CAMK1D: variants seen among roughly 807,000 people sequenced by gnomAD.
CAMK1D encodes the protein calcium/calmodulin dependent protein kinase ID.
A neutral mutation model predicts 47.7 loss-of-function variants in CAMK1D; 9 were observed. The ratio of observed to expected loss-of-function variants is 0.19; its 90% CI spans 0.11 to 0.33. The LOEUF is 0.33. CAMK1D is among the 10% of genes least tolerant of loss of function. The probability of loss-of-function intolerance (pLI) is 1.00; values close to 1 mark genes in which losing one functional copy is unlikely to be tolerated. For missense variants in CAMK1D, 291 were observed against 488.7 expected (o/e 0.60, Z 3.81); for synonymous variants, 184 against 184.9 (o/e 0.99, Z 0.04).
At chr10:12,533,091 G>A (rs550573390) in intron 1 of CAMK1D, among the ~76,000 whole-genome samples, 86 of 152,260 alleles carry the variant, frequency 5.6e-4, no homozygotes, top group African/African-American at 2.0e-3. Context: ...TGCATTGTTT[G>A]TAACACAAAG....
intron 2 of CAMK1D, among the ~76,000 whole-genome samples, chr10:12,595,465 C>T (rs527858458): frequency 1.3e-5 from 2 of 151,252 alleles, no homozygotes; most frequent in Admixed American, 1.3e-4. Context: ...GTGGAATACA[C>T]CTTCCCCCGA....
At chr10:12,473,534 T>A (rs1041775000) in intron 1 of CAMK1D, among the ~76,000 whole-genome samples, 1 of 152,170 alleles carries the variant, frequency 6.6e-6, no homozygotes, top group Non-Finnish European at 1.5e-5. Flanking sequence ...ACTCAATCCT[T>A]ATAACAACTG....
intron 2 of CAMK1D, among the ~76,000 whole-genome samples, chr10:12,599,326 C>T (rs1838236199): frequency 6.6e-6 from 1 of 152,098 alleles, no homozygotes; most frequent in African/African-American, 2.4e-5. Flanking sequence ...AGGCGGGATG[C>T]AGCTGCGTTG....
intron 1 of CAMK1D, among the ~76,000 whole-genome samples, chr10:12,532,544 G>T (rs1348035538): frequency 6.6e-6 from 1 of 151,246 alleles, no homozygotes; most frequent in Admixed American, 6.6e-5. Flanking sequence ...CTCCCAAAGT[G>T]CTGGGATTAC....
intron 3 of CAMK1D, among the ~76,000 whole-genome samples, chr10:12,701,567 A>C (rs985847125): frequency 6.6e-6 from 1 of 152,144 alleles, no homozygotes; most frequent in African/African-American, 2.4e-5. Flanking sequence ...TGTTTAAGGC[A>C]GTGTGGCTTC....
intron 3 of CAMK1D, among the ~76,000 whole-genome samples, chr10:12,690,838 GT>G (rs933941122): frequency 1.3e-5 from 2 of 152,094 alleles, no homozygotes; most frequent in African/African-American, 4.8e-5. Flanking sequence ...TTTTGACGAT[GT>G]TTTTTAGTAG....
chr10:12,698,704 C>T (rs1341894623), intron 3 of CAMK1D, among the ~76,000 whole-genome samples: 3 of 94,084 alleles, frequency 3.2e-5, no homozygotes, highest in Non-Finnish European at 6.1e-5. Context: ...GACGGAGTGT[C>T]GCTCTGTCAC....
At chr10:12,804,022 G>T (rs1292548485) in intron 6 of CAMK1D, among the ~76,000 whole-genome samples, 2 of 152,292 alleles carry the variant, frequency 1.3e-5, no homozygotes, top group Non-Finnish European at 1.5e-5. Context: ...CGTTGTTGGG[G>T]CCCTGGATGG....
At chr10:12,812,889 G>A (rs991965507) in intron 6 of CAMK1D, among the ~76,000 whole-genome samples, 1 of 152,122 alleles carries the variant, frequency 6.6e-6, no homozygotes, top group African/African-American at 2.4e-5. Context: ...CTTAAAGCTG[G>A]AAAAAATATT....
chr10:12,615,791 G>A (rs540524481), intron 2 of CAMK1D, among the ~76,000 whole-genome samples: 30 of 151,406 alleles, frequency 2.0e-4, no homozygotes, highest in African/African-American at 7.0e-4. Context: ...TGTGTAGTGT[G>A]TAGGTATGTG....
chr10:12,796,514 A>G (rs1161069525), intron 6 of CAMK1D, among the ~76,000 whole-genome samples: 1 of 152,220 alleles, frequency 6.6e-6, no homozygotes, highest in Non-Finnish European at 1.5e-5. Context: ...TCGCCAAGGC[A>G]GTTCCCATCC....
chr10:12,760,090 G>A lies in CAMK1D; in HGVS notation c.300-858G>A, dbSNP rs12264554. 3.7e-3 allele frequency among the ~76,000 whole-genome samples: 570 copies of A among 152,222 alleles called. 8 individuals carry two copies. The highest frequency in any genetic ancestry group is 0.013 in the African/African-American group (525 of 41,534). ...ATTTGAGATGATTTGGAGAACACTA[G>A]TTGAGTTGTTTGTATTCTGGCTTGT... On this transcript the variant is annotated intron_variant, in intron 3 of 10. Coordinates refer to ENST00000619168, the MANE Select transcript of CAMK1D (RefSeq NM_153498.4).
chr10:12,731,895 A>C (rs956939809), intron 3 of CAMK1D, among the ~76,000 whole-genome samples: 1 of 152,144 alleles, frequency 6.6e-6, no homozygotes, highest in African/African-American at 2.4e-5. Context: ...GGGCATGACC[A>C]CAAACCCGAA....
chr10:12,719,048 A>G (rs1429483892), intron 3 of CAMK1D, among the ~76,000 whole-genome samples: 2 of 152,204 alleles, frequency 1.3e-5, no homozygotes, highest in African/African-American at 4.8e-5. Context: ...TCAAAAAGAA[A>G]TAGAGACAAG....
At chr10:12,457,206 C>A (rs1436356823) in intron 1 of CAMK1D, among the ~76,000 whole-genome samples, 1 of 152,078 alleles carries the variant, frequency 6.6e-6, no homozygotes, top group African/African-American at 2.4e-5. Context: ...GCCTGACCAA[C>A]ATGGTGAAAG....
chr10:12,669,989 G>T (rs78664904), intron 3 of CAMK1D, among the ~76,000 whole-genome samples: 1 of 152,126 alleles, frequency 6.6e-6, no homozygotes, highest in African/African-American at 2.4e-5. Flanking sequence ...TGCTGTGAAC[G>T]TTCACGTACA....
intron 1 of CAMK1D, among the ~76,000 whole-genome samples, chr10:12,474,629 T>C (rs879537011): frequency 6.6e-6 from 1 of 152,194 alleles, no homozygotes; most frequent in Non-Finnish European, 1.5e-5. Context: ...CAGGGAGTTG[T>C]ACAGGTTTGT....
At chr10:12,441,725 C>T (rs569918765) in intron 1 of CAMK1D, among the ~76,000 whole-genome samples, 7 of 152,076 alleles carry the variant, frequency 4.6e-5, no homozygotes, top group Non-Finnish European at 7.4e-5. Context: ...GAACAAGAAT[C>T]GCTTCAACCC....
chr10:12,494,084 G>C (rs1391152905), intron 1 of CAMK1D, among the ~76,000 whole-genome samples: 1 of 152,180 alleles, frequency 6.6e-6, no homozygotes, highest in Admixed American at 6.5e-5. Context: ...GGTGGAGGGG[G>C]AAATTCTGAG....
Sources: allele counts gnomAD v4.1 joint callset (sites outside exome capture counted in the v4.1 genomes callset), GRCh38; gene constraint gnomAD v4.1.1; transcripts MANE v1.5; gene names NCBI Gene and HGNC (gene_info 2026-07-23, HGNC 2026-07-21).